Variants in STAB2 observed in about 807,000 individuals in gnomAD.
The protein encoded by STAB2 is stabilin-2.
STAB2 carries 288 observed loss-of-function variants against 338.1 expected under a neutral mutation model. The ratio of observed to expected loss-of-function variants is 0.85; its 90% CI spans 0.77 to 0.94. The LOEUF is 0.94. Among genes scored for constraint, STAB2 ranks in the 40% least tolerant of loss-of-function variants. STAB2 has a pLI of 0.00. For synonymous variants in STAB2, 1,202 were observed against 1,193.3 expected (o/e 1.01, Z -0.15); for missense variants, 3,141 against 3,210.1 (o/e 0.98, Z 0.52).
Position 103,747,172 on chromosome 12 carries a change from A to T in STAB2, c.6244+468A>T, listed in dbSNP as rs753846871. Among the ~76,000 whole-genome samples, 108 of 152,188 alleles carry T rather than the reference A, an allele frequency of 7.1e-4. 2 individuals are homozygous for T. In the Middle Eastern group the frequency reaches 0.027, roughly 38 times the overall value. ...ACAAGTAATCCAGCCTTCAAAAAAA[A>T]ATCAGAAAATACACAACACCATTTT... On this transcript the variant is annotated intron_variant, in intron 58 of 68. Transcript: ENST00000388887.
intron 51 of STAB2, among the ~76,000 whole-genome samples, chr12:103,734,823 G>A (rs967160225): frequency 1.3e-5 from 2 of 152,130 alleles, no homozygotes; most frequent in East Asian, 1.9e-4. Context: ...GTTTCTGAGG[G>A]AGAATTTGCT....
At position 103,730,123 on chromosome 12, in the gene STAB2, T is replaced by A; in HGVS notation, c.5090T>A (p.Val1697Glu). 6.3e-7 allele frequency: 1 copy of A among 1,593,292 alleles called. No individual in the cohort carries two copies. The highest frequency in any genetic ancestry group is 8.5e-7 in the Non-Finnish European group (1 of 1,171,360). ...GTTTTTGGTTGATTTCAGAGCACGG[T>A]GTATATAAACAATAAGGCTAAGATC... Reference protein sequence around the residue: ...PIVISVSQSTVYINNKAKIIS... With the variant: ...PIVISVSQSTEYINNKAKIIS... The change falls in exon 49 of 69, where the codon GTG becomes GAG. Residue 1697 changes from valine (V) to glutamate (E), a missense_variant. Val to Glu is a moderately radical substitution (Grantham distance 121). Transcript: ENST00000388887.
intron 52 of STAB2, 28 bp from the exon 53 acceptor site, chr12:103,737,606 C>CTTT (rs761241523): frequency 1.5e-4 from 147 of 998,560 alleles, no homozygotes; most frequent in East Asian, 4.6e-4. Context: ...CTCTCTTTCT[C>CTTT]TTTTTTTTTT....
intron 9 of STAB2, among the ~76,000 whole-genome samples, chr12:103,648,460 G>A (rs1203189680): frequency 6.6e-6 from 1 of 152,074 alleles, no homozygotes; most frequent in African/African-American, 2.4e-5. Context: ...GAGAAATACT[G>A]AGACAAAGAG....
At chr12:103,685,455 C>A (rs34339092) in intron 27 of STAB2, among the ~76,000 whole-genome samples, 2 of 132,062 alleles carry the variant, frequency 1.5e-5, no homozygotes, top group East Asian at 4.7e-4. Context: ...TGTGTGTGTG[C>A]GCGTGCGTGT....
Position 103,712,362 on chromosome 12 carries a change from T to G in STAB2, c.4335-5T>G, listed in dbSNP as rs1322945216. 4.3e-6 allele frequency: 7 copies of G among 1,613,150 alleles called. No individual in the cohort carries two copies. In the African/African-American group the frequency reaches 9.3e-5, roughly 22 times the overall value. The stretch of plus-strand genomic sequence containing the variant: ...ACAAACCCCATTTGTCCTTCCTTGT[T>G]GCAGCTGCCTCACCAACTCAGATGG... On this transcript the variant is annotated splice_polypyrimidine_tract_variant and splice_region_variant and intron_variant, in intron 40 of 68. Coordinates refer to ENST00000388887, the MANE Select transcript of STAB2 (RefSeq NM_017564.10).
At chr12:103,656,328 A>G (rs897231419) in intron 15 of STAB2, among the ~76,000 whole-genome samples, 7 of 152,224 alleles carry the variant, frequency 4.6e-5, no homozygotes, top group Non-Finnish European at 1.0e-4. Context: ...CTTCATAAAG[A>G]TCAGTGTTGA....
chr12:103,651,782 A>C (rs764179634), intron 11 of STAB2, among the ~76,000 whole-genome samples: 35 of 152,276 alleles, frequency 2.3e-4, no homozygotes, highest in Non-Finnish European at 4.8e-4. Context: ...AAAATGAAAA[A>C]ATAAAATTGA....
At chr12:103,632,621 G>A (rs571833256) in intron 6 of STAB2, among the ~76,000 whole-genome samples, 3 of 152,308 alleles carry the variant, frequency 2.0e-5, no homozygotes, top group African/African-American at 4.8e-5. Flanking sequence ...CCAGGCCAAG[G>A]ATGCAAGGTC....
intron 65 of STAB2, among the ~76,000 whole-genome samples, chr12:103,760,443 TAG>T (rs1884455126): frequency 6.6e-6 from 1 of 152,192 alleles, no homozygotes. Flanking sequence ...GTATTTTTAA[TAG>T]AGATGGGGTT....
At chr12:103,612,365 T>C (rs1324464772) in intron 3 of STAB2, among the ~76,000 whole-genome samples, 3 of 152,240 alleles carry the variant, frequency 2.0e-5, no homozygotes, top group African/African-American at 7.2e-5. Flanking sequence ...CCCATATTTC[T>C]TGGAGGCTTT....
intron 34 of STAB2, among the ~76,000 whole-genome samples, chr12:103,701,079 CA>C (rs1878826408): frequency 6.7e-6 from 1 of 150,146 alleles, no homozygotes; most frequent in Non-Finnish European, 1.5e-5. Flanking sequence ...GTTCAATTCC[CA>C]CCTATGAGTG....
chr12:103,731,764 C>T, intron 50 of STAB2, 129 bp downstream of exon 50: 2 of 863,546 alleles, frequency 2.3e-6, no homozygotes, highest in Non-Finnish European at 3.5e-6. Flanking sequence ...GGGGAAGTCT[C>T]AGTTTTCTGG....
intron 6 of STAB2, 101 bp downstream of exon 6, chr12:103,631,794 T>C (rs1376792125): frequency 1.7e-6 from 2 of 1,157,006 alleles, no homozygotes; most frequent in African/African-American, 1.5e-5. Flanking sequence ...AGGGGCAAGG[T>C]ACTACCAAAA....
intron 51 of STAB2, among the ~76,000 whole-genome samples, chr12:103,733,637 A>G (rs937867866): frequency 9.9e-5 from 15 of 152,252 alleles, no homozygotes; most frequent in African/African-American, 3.4e-4. Flanking sequence ...GCACGATCAT[A>G]TAGAAACTAG....
chr12:103,669,451 A>G (rs1875511919), intron 20 of STAB2, 90 bp from the exon 21 acceptor site: 2 of 1,128,910 alleles, frequency 1.8e-6, no homozygotes, highest in Non-Finnish European at 2.7e-6. Context: ...AATATGGCTT[A>G]GTATAATAAT....
At chr12:103,684,957 G>A (rs762717790) in intron 26 of STAB2, 32 bp from the exon 27 acceptor site, 11 of 1,607,136 alleles carry the variant, frequency 6.8e-6, no homozygotes, top group Non-Finnish European at 8.5e-6. Flanking sequence ...TTTTTGTTGG[G>A]GTAACCATTT....
intron 36 of STAB2, among the ~76,000 whole-genome samples, chr12:103,705,210 G>T (rs1029859263): frequency 3.9e-5 from 6 of 152,104 alleles, no homozygotes; most frequent in Non-Finnish European, 1.5e-5. Flanking sequence ...CTCATTTGAG[G>T]TTTAATTTAA....
chr12:103,733,801 GCAT>G (rs1182484161), intron 51 of STAB2, among the ~76,000 whole-genome samples: 20 of 152,034 alleles, frequency 1.3e-4, no homozygotes, highest in Admixed American at 6.5e-4. Flanking sequence ...ATAGGAGCAA[GCAT>G]CATCATATAG....
Sources: gnomAD v4.1 joint callset for allele counts (sites outside exome capture counted in the v4.1 genomes callset) on GRCh38, gnomAD v4.1.1 for gene constraint, MANE v1.5 for transcripts, NCBI Gene and HGNC (gene_info 2026-07-23, HGNC 2026-07-21) for gene names.